Variants in TBC1D16 observed in about 807,000 individuals in gnomAD.
The protein encoded by TBC1D16 is CTD-2529O21.1.
In TBC1D16, 58 loss-of-function variants were observed where a neutral mutation model predicts 74.7. That is an observed-to-expected ratio of 0.78 (90% CI 0.63 to 0.97). The LOEUF (loss-of-function observed/expected upper bound fraction) is 0.97. Among genes scored for constraint, TBC1D16 ranks in the 50% least tolerant of loss-of-function variants. The pLI is 0.00. For missense variants in TBC1D16, 1,014 were observed against 1,079.5 expected (o/e 0.94, Z 0.85); for synonymous variants, 493 against 474.7 (o/e 1.04, Z -0.50).
At chr17:80,024,921 A>G (rs1217799953) in intron 1 of TBC1D16, among the ~76,000 whole-genome samples, 6 of 101,140 alleles carry the variant, frequency 5.9e-5, no homozygotes, top group Non-Finnish European at 9.5e-5. Flanking sequence ...CACACCACAC[A>G]CCATAGACAC....
chr17:80,030,959 C>A (rs146867214), intron 1 of TBC1D16, among the ~76,000 whole-genome samples: 5 of 152,360 alleles, frequency 3.3e-5, no homozygotes, highest in African/African-American at 1.2e-4. Context: ...ACAGCGACAC[C>A]TTATTAAACA....
chr17:79,954,655 G>T lies in TBC1D16; in HGVS notation c.780-1837C>A, dbSNP rs2033249932. On this transcript the variant is annotated intron_variant, in intron 3 of 11. Transcript: ENST00000310924. The surrounding 1 kb of genome is among the most constrained non-coding windows in gnomAD (Gnocchi z 5.5). Reference sequence around the variant, plus strand: ...GCTCACAACACAGGGCAGGTCTCGAGTCTGAGGCCCCACCGCACCCATGGG... The same window carrying T: ...GCTCACAACACAGGGCAGGTCTCGATTCTGAGGCCCCACCGCACCCATGGG... Among the ~76,000 whole-genome samples, 2 of 152,194 alleles carry T rather than the reference G, an allele frequency of 1.3e-5. No individual in the cohort carries two copies. The highest frequency in any genetic ancestry group is 2.9e-5 in the Non-Finnish European group (2 of 68,024).
chr17:79,999,432 C>T (rs1278836959), intron 3 of TBC1D16, among the ~76,000 whole-genome samples: 1 of 151,628 alleles, frequency 6.6e-6, no homozygotes, highest in Non-Finnish European at 1.5e-5. Context: ...TTACAATTCC[C>T]AACTTTGAAA....
intron 1 of TBC1D16, among the ~76,000 whole-genome samples, chr17:80,027,256 A>C (rs964815307): frequency 6.6e-6 from 1 of 152,200 alleles, no homozygotes; most frequent in Non-Finnish European, 1.5e-5. Flanking sequence ...TGAGTCCAGG[A>C]GTTTGAGACC....
At chr17:80,028,997 G>T (rs1034090231) in intron 1 of TBC1D16, among the ~76,000 whole-genome samples, 1 of 152,066 alleles carries the variant, frequency 6.6e-6, no homozygotes, top group Non-Finnish European at 1.5e-5. Context: ...TGTGTAATTC[G>T]AAAGGAAAGA....
rs553847917 is a variant in TBC1D16, at chr17:80,031,648, G to A, written c.-63+4147C>T. ...CAAGGAGAGACCATCTGCCATTTGTGCACCCTTGATAGTAGATTGTAAAAT... is the reference window on the plus strand; with the variant it reads ...CAAGGAGAGACCATCTGCCATTTGTACACCCTTGATAGTAGATTGTAAAAT... On this transcript the variant is annotated intron_variant, in intron 1 of 11. Transcript: ENST00000310924. Among the ~76,000 whole-genome samples the A allele has an allele frequency of 3.0e-4, 45 of 152,270 alleles. No individual in the cohort carries two copies. In the South Asian group the frequency reaches 8.5e-3, roughly 29 times the overall value.
intron 1 of TBC1D16, among the ~76,000 whole-genome samples, chr17:80,015,053 T>C (rs1023759424): frequency 3.6e-4 from 54 of 152,080 alleles, no homozygotes; most frequent in African/African-American, 1.3e-3. Context: ...AGATAGCAGA[T>C]GAGAACCAAC....
chr17:79,993,651 C>T lies in TBC1D16; in HGVS notation c.779+16509G>A, dbSNP rs1256085258. On this transcript the variant is annotated intron_variant, in intron 3 of 11. Coordinates refer to ENST00000310924, the MANE Select transcript of TBC1D16 (RefSeq NM_019020.4). This position sits in a 1 kb window ranked among gnomAD's most constrained non-coding sequence, Gnocchi z 5.1. ...GCTGGGTTACATTGCAACAGCCAGG[C>T]GTGGTTCCCCAGAGGTACGGTGTGA... The T allele has an allele frequency of 6.6e-6, 1 of 152,252 alleles. No homozygotes were observed. The highest frequency in any genetic ancestry group is 2.4e-5 in the African/African-American group (1 of 41,458). The allele number at this position is 152,252 out of a possible 1,614,324, so 9.4% of individuals were successfully genotyped here. A position where few individuals can be genotyped will look rare whatever the true frequency, so the allele number is the denominator to read the frequency against.
In TBC1D16 at chr17:79,988,009, G is replaced by T. The variant is rs2034909472; in HGVS notation, c.779+22151C>A. Among the ~76,000 whole-genome samples, 1 of 151,706 alleles carries T rather than the reference G, an allele frequency of 6.6e-6. No homozygotes were observed. Among genetic ancestry groups the T allele is most frequent in the Non-Finnish European group, 1.5e-5 (1 of 67,954 alleles). On this transcript the variant is annotated intron_variant, in intron 3 of 11. Transcript: ENST00000310924. This position sits in a 1 kb window ranked among gnomAD's most constrained non-coding sequence, Gnocchi z 5.7. ...AGGTTGCCCAGCAATTCTGAATGTG[G>T]TTTAAAAAAAAAATTAGGTGGGGGA...
At chr17:80,006,861 A>AT (rs1275775220) in intron 3 of TBC1D16, among the ~76,000 whole-genome samples, 2 of 151,902 alleles carry the variant, frequency 1.3e-5, no homozygotes, top group Non-Finnish European at 2.9e-5. Context: ...AGGTTTTGCC[A>AT]TTTTCCCCAG....
chr17:79,996,459 T>TA (rs1204984633), intron 3 of TBC1D16, among the ~76,000 whole-genome samples: 3 of 151,980 alleles, frequency 2.0e-5, no homozygotes, highest in South Asian at 2.1e-4. Flanking sequence ...TCAGGATGCT[T>TA]AAAAAAAATA....
chr17:79,949,912 C>G lies in TBC1D16; in HGVS notation c.1258-47G>C, dbSNP rs1176619131. 3.8e-6 allele frequency: 6 copies of G among 1,590,520 alleles called. No individual in the cohort carries two copies. In the South Asian group the frequency reaches 6.7e-5, roughly 18 times the overall value. The stretch of plus-strand genomic sequence containing the variant: ...GGGGAGGGGATAAAATGGGGCAGCT[C>G]AAAGAACCCCCAAATCCCCAGAGAT... On this transcript the variant is annotated intron_variant, in intron 6 of 11. Transcript: ENST00000310924.
At chr17:79,960,787 A>AAAAAAAAAAAAAAAAAAAAAAAAC (rs2033566587) in intron 3 of TBC1D16, among the ~76,000 whole-genome samples, 1 of 119,232 alleles carries the variant, frequency 8.4e-6, no homozygotes, top group Non-Finnish European at 1.8e-5. Flanking sequence ...CCCAAAAAAA[A>AAAAAAAAAAAAAAAAAAAAAAAAC]AAAAAAAAAA....
chr17:79,943,818 T>C, intron 10 of TBC1D16: 1 of 1,331,076 alleles, frequency 7.5e-7, no homozygotes. Flanking sequence ...ACGGGTAACA[T>C]CAGCCTGAAC....
chr17:79,964,879 C>A (rs894853432), intron 3 of TBC1D16, among the ~76,000 whole-genome samples: 7 of 152,166 alleles, frequency 4.6e-5, no homozygotes, highest in African/African-American at 1.4e-4. Flanking sequence ...TAAAAATATA[C>A]TATCAATACT....
In TBC1D16 at chr17:80,001,431, C is replaced by T. The variant is rs1025448167; in HGVS notation, c.779+8729G>A. The stretch of plus-strand genomic sequence containing the variant: ...TCCCGGTTACAGAAGCACAAACAAA[C>T]CCAAACAACAGACCTTCAGGAGCTG... On this transcript the variant is annotated intron_variant, in intron 3 of 11. Transcript: ENST00000310924. This position sits in a 1 kb window ranked among gnomAD's most constrained non-coding sequence, Gnocchi z 5.8. 3.3e-5 allele frequency among the ~76,000 whole-genome samples: 5 copies of T among 152,218 alleles called. No homozygotes were observed. Among genetic ancestry groups the T allele is most frequent in the Admixed American group, 3.3e-4 (5 of 15,290 alleles).
intron 1 of TBC1D16, chr17:80,023,907 A>G (rs1261456638): frequency 1.3e-5 from 2 of 150,178 alleles, no homozygotes; most frequent in African/African-American, 2.5e-5. Flanking sequence ...GCCAGAGAAG[A>G]GAAATCTGAG....
Position 79,950,287 on chromosome 17 carries a change from C to T in TBC1D16, c.1257+124G>A. The T allele has an allele frequency of 9.3e-7, 1 of 1,072,830 alleles. No homozygotes were observed. Among genetic ancestry groups the T allele is most frequent in the Non-Finnish European group, 1.3e-6 (1 of 771,522 alleles). The allele number at this position is 1,072,830 out of a possible 1,614,324, so 66.5% of individuals were successfully genotyped here. A position where few individuals can be genotyped will look rare whatever the true frequency, so the allele number is the denominator to read the frequency against. The stretch of plus-strand genomic sequence containing the variant: ...GAGAGCCTCACACAAGAAAACGGGG[C>T]CCTCACGAGGAGGTGGCCCGTGGGT... On this transcript the variant is annotated intron_variant, in intron 6 of 11. Coordinates refer to ENST00000310924, the MANE Select transcript of TBC1D16 (RefSeq NM_019020.4). The surrounding 1 kb of genome is among the most constrained non-coding windows in gnomAD (Gnocchi z 4.6).
rs1423936342 is a variant in TBC1D16 at position 79,961,839 on chromosome 17, G to A, written c.780-9021C>T. Among the ~76,000 whole-genome samples the A allele has an allele frequency of 3.9e-5, 6 of 151,916 alleles. No homozygotes were observed. Among genetic ancestry groups the A allele is most frequent in the African/African-American group, 1.5e-4 (6 of 41,340 alleles). ...GATCACGAGACTGCGCTCCAGCCTA[G>A]GCAAGAAGAGCAAAACTCCATCTCA... On this transcript the variant is annotated intron_variant, in intron 3 of 11. Transcript: ENST00000310924. This position sits in a 1 kb window ranked among gnomAD's most constrained non-coding sequence, Gnocchi z 4.8.
Sources: gnomAD v4.1 joint callset for allele counts (sites outside exome capture counted in the v4.1 genomes callset) on GRCh38, gnomAD v4.1.1 for gene constraint, Gnocchi (gnomAD v3.1) non-coding constraint, MANE v1.5 for transcripts, NCBI Gene and HGNC (gene_info 2026-07-23, HGNC 2026-07-21) for gene names.